SPANXN3: variants seen among roughly 807,000 people sequenced by gnomAD.
SPANXN3 encodes the protein SPANX family member N3, also known as sperm protein associated with the nucleus on the X chromosome N3.
In SPANXN3, 1 loss-of-function variant was observed where a neutral mutation model predicts 1.9. The observed-to-expected ratio is 0.54, with a 90% CI of 0.19 to 2.54. The LOEUF (loss-of-function observed/expected upper bound fraction) is 2.54. Ranked by LOEUF, SPANXN3 falls within the 30% of genes most tolerant of loss-of-function variation. SPANXN3 has a pLI of 0.24. For missense variants in SPANXN3, 113 were observed against 96.2 expected (o/e 1.17, Z -0.73); for synonymous variants, 47 against 40.0 (o/e 1.17, Z -0.66).
Position 143,511,693 on chromosome X carries a change from A to G in SPANXN3, c.79-2531T>C, listed in dbSNP as rs373086317. ...CAACAGTCAACTCCAGGAGCCTGTT[A>G]TAAGTGCATCCAACAGGGACACTGA... On this transcript the variant is annotated intron_variant, in intron 1 of 1. Transcript: ENST00000370503. Among the ~76,000 whole-genome samples the G allele has an allele frequency of 3.5e-3, 391 of 111,948 alleles. 1 individual carries two copies. The highest frequency in any genetic ancestry group is 5.0e-3 in the Non-Finnish European group (264 of 53,155).
rs1406738589 is a variant in SPANXN3 at position 143,517,457 on chromosome X, T to G, written c.-66A>C. On this transcript the variant is annotated 5_prime_UTR_variant, in exon 1 of 2. Transcript: ENST00000370503. Reference sequence around the variant, plus strand: ...AGACTGCAGACTTCCACAGCTATGTTGAAGCTTCCCAGTGGGATGTCCCAG... The same window carrying G: ...AGACTGCAGACTTCCACAGCTATGTGGAAGCTTCCCAGTGGGATGTCCCAG... The G allele has an allele frequency of 2.7e-6, 3 of 1,120,196 alleles. No homozygotes were observed. Among genetic ancestry groups the G allele is most frequent in the Non-Finnish European group, 2.4e-6 (2 of 816,938 alleles). 92.3% of individuals were successfully genotyped at this position (1,120,196 alleles called of 1,213,427 possible). A position where few individuals can be genotyped will look rare whatever the true frequency, so the allele number is the denominator to read the frequency against.
Position 143,508,915 on chromosome X carries a change from G to T in SPANXN3, c.326C>A (p.Ser109Ter). The change falls in exon 2 of 2, where the codon TCA (serine) becomes TAA (stop). Residue 109 changes from serine (S) to a stop codon, truncating the protein, a stop_gained. Transcript: ENST00000370503. LOFTEE classifies it low-confidence loss of function (END_TRUNC). ...TGAGTCTAGATCTTTGTCCTCCTTTGAAGGTCCTTCACATGGGCCTAGGTC... is the reference window on the plus strand; with the variant it reads ...TGAGTCTAGATCTTTGTCCTCCTTTTAAGGTCCTTCACATGGGCCTAGGTC... ...DEDLGPCEGP[S>*]KEDKDLDSSE... The T allele has an allele frequency of 8.3e-7, 1 of 1,211,393 alleles. No individual in the cohort carries two copies. The highest frequency in any genetic ancestry group is 1.1e-6 in the Non-Finnish European group (1 of 895,365).
At chrX:143,509,319 A>G (rs1199570729) in intron 1 of SPANXN3, among the ~76,000 whole-genome samples, 157 bp from the exon 2 acceptor site, 30 of 111,194 alleles carry the variant, frequency 2.7e-4, no homozygotes, top group South Asian at 3.8e-4. Flanking sequence ...GTATCTATGC[A>G]GAAGAAGAAG....
intron 1 of SPANXN3, among the ~76,000 whole-genome samples, chrX:143,515,339 A>G (rs1205599189): frequency 9.0e-6 from 1 of 111,260 alleles, no homozygotes; most frequent in East Asian, 2.8e-4. Context: ...GACAGGACCA[A>G]CCTCACTGTA....
At chrX:143,511,626 A>T (rs1236081864) in intron 1 of SPANXN3, among the ~76,000 whole-genome samples, 10 of 111,752 alleles carry the variant, frequency 8.9e-5, no homozygotes, top group African/African-American at 3.3e-4. Context: ...GATAGCTGCC[A>T]CTCAACAGGG....
chrX:143,516,973 A>T (rs1353964831), intron 1 of SPANXN3, among the ~76,000 whole-genome samples: 1 of 112,183 alleles, frequency 8.9e-6, no homozygotes, highest in East Asian at 2.8e-4. Flanking sequence ...TCGTCGTAAC[A>T]CAAGACGGAC....
intron 1 of SPANXN3, chrX:143,510,274 C>A (rs1285177627): frequency 2.7e-5 from 3 of 110,889 alleles, no homozygotes; most frequent in Non-Finnish European, 5.7e-5. Flanking sequence ...GGTGAGAGGT[C>A]TCCCCAGTCA....
At position 143,509,079 on chromosome X, in the gene SPANXN3, C is replaced by T. The variant is rs1264682337; in HGVS notation, c.162G>A (p.Val54=). 1.7e-6 allele frequency: 2 copies of T among 1,209,864 alleles called. No homozygotes were observed. The highest frequency in any genetic ancestry group is 2.2e-6 in the Non-Finnish European group (2 of 894,923). The part of the protein sequence containing the change: ...TKTSEYPIIF[V]YYLRKGKKIN... ...TTTTCTTACCCTTCCTGAGGTAATA[C>T]ACAAATATTATTGGATATTCTGATG... is the stretch of plus-strand genomic sequence containing the variant. The change falls in exon 2 of 2, where the codon GTG becomes GTA. Residue 54 remains valine, a synonymous_variant. Transcript: ENST00000370503.
chrX:143,512,811 T>C (rs1395769369), intron 1 of SPANXN3, among the ~76,000 whole-genome samples: 5 of 111,274 alleles, frequency 4.5e-5, no homozygotes, highest in African/African-American at 9.8e-5. Context: ...CTAGGTGAAC[T>C]TTCCCTTGCT....
intron 1 of SPANXN3, among the ~76,000 whole-genome samples, chrX:143,510,344 G>A (rs1164446387): frequency 4.5e-5 from 5 of 111,018 alleles, no homozygotes; most frequent in African/African-American, 6.5e-5. Context: ...CATTCTGGCC[G>A]CTCCGTCCTC....
chrX:143,509,063 C>T lies in SPANXN3; in HGVS notation c.178G>A (p.Gly60Ser). 8.3e-7 allele frequency: 1 copy of T among 1,211,070 alleles called. No individual in the cohort carries two copies. ...PIIFVYYLRK[G>S]KKINSNQLEN... ...AGTTGATTTGAATTTATTTTCTTAC[C>T]CTTCCTGAGGTAATACACAAATATT... is the stretch of plus-strand genomic sequence containing the variant. The change falls in exon 2 of 2, where the codon GGT becomes AGT. Residue 60 changes from glycine (G) to serine (S), a missense_variant. Physicochemically the swap from Gly to Ser is moderately conservative, Grantham distance 56. Transcript: ENST00000370503.
chrX:143,517,201 G>C, intron 1 of SPANXN3, 113 bp downstream of exon 1: 1 of 921,016 alleles, frequency 1.1e-6, no homozygotes, highest in Non-Finnish European at 1.5e-6. Context: ...GCATTAAGCG[G>C]GTCCCCCACT....
intron 1 of SPANXN3, among the ~76,000 whole-genome samples, chrX:143,511,738 C>T: frequency 9.0e-6 from 1 of 111,086 alleles, no homozygotes; most frequent in Non-Finnish European, 1.9e-5. Context: ...TGGCCTAATC[C>T]CGTGACACTC....
chrX:143,509,761 G>T (rs1295831869), intron 1 of SPANXN3: 1 of 121,114 alleles, frequency 8.3e-6, no homozygotes. Flanking sequence ...GCTATAAGCG[G>T]CAGTGGGCTC....
chrX:143,513,831 T>C (rs1299821940), intron 1 of SPANXN3, among the ~76,000 whole-genome samples: 1 of 111,996 alleles, frequency 8.9e-6, no homozygotes, highest in African/African-American at 3.2e-5. Flanking sequence ...TATTCCATCA[T>C]TGCTGAAAAT....
intron 1 of SPANXN3, 43 bp from the exon 2 acceptor site, chrX:143,509,205 G>A (rs1344683941): frequency 9.1e-7 from 1 of 1,097,211 alleles, no homozygotes; most frequent in Middle Eastern, 2.9e-4. Flanking sequence ...ATTATTTTGG[G>A]TGAATAGGAT....
intron 1 of SPANXN3, among the ~76,000 whole-genome samples, chrX:143,514,689 C>T (rs1929173552): frequency 2.7e-5 from 3 of 111,374 alleles, no homozygotes; most frequent in Admixed American, 1.9e-4. Flanking sequence ...CCCATATTAT[C>T]CACCGGTTTA....
intron 1 of SPANXN3, among the ~76,000 whole-genome samples, chrX:143,513,346 C>T (rs1172117174): frequency 8.9e-6 from 1 of 112,279 alleles, no homozygotes; most frequent in Non-Finnish European, 1.9e-5. Flanking sequence ...GACTACTCTG[C>T]CAAACATACG....
chrX:143,515,028 C>T (rs1467736599), intron 1 of SPANXN3, among the ~76,000 whole-genome samples: 3 of 110,244 alleles, frequency 2.7e-5, no homozygotes, highest in Admixed American at 9.7e-5. Flanking sequence ...AATACTTGGC[C>T]GGCGTTACAC....
Sources: gnomAD v4.1 joint callset for allele counts (sites outside exome capture counted in the v4.1 genomes callset) on GRCh38, gnomAD v4.1.1 for gene constraint, MANE v1.5 for transcripts, NCBI Gene and HGNC (gene_info 2026-07-23, HGNC 2026-07-21) for gene names.